CTNND2: variants seen among roughly 807,000 people sequenced by gnomAD.
The protein encoded by CTNND2 is catenin delta-2.
A neutral mutation model predicts 144.4 loss-of-function variants in CTNND2; 22 were observed. The ratio of observed to expected loss-of-function variants is 0.15; its 90% CI spans 0.11 to 0.22. CTNND2 has a LOEUF of 0.22. CTNND2 is among the 10% of genes least tolerant of loss of function. The pLI, the probability that CTNND2 is intolerant of heterozygous loss-of-function variation, is 1.00. For missense variants in CTNND2, 1,353 were observed against 1,618.8 expected (o/e 0.84, Z 2.82); for synonymous variants, 751 against 695.6 (o/e 1.08, Z -1.25).
chr5:11,148,154 G>T (rs975563913), intron 12 of CTNND2, among the ~76,000 whole-genome samples: 7 of 152,304 alleles, frequency 4.6e-5, no homozygotes, highest in Admixed American at 2.0e-4. Flanking sequence ...ACTGGTAATT[G>T]CCAGGGCCTG....
chr5:11,636,423 G>A (rs1386170272), intron 2 of CTNND2, among the ~76,000 whole-genome samples: 2 of 152,148 alleles, frequency 1.3e-5, no homozygotes, highest in Non-Finnish European at 2.9e-5. Flanking sequence ...GAATGTAACA[G>A]ATTTCATGTC....
intron 2 of CTNND2, among the ~76,000 whole-genome samples, chr5:11,597,769 A>G (rs1449580800): frequency 2.0e-5 from 3 of 152,010 alleles, no homozygotes; most frequent in Non-Finnish European, 4.4e-5. Context: ...AAAAGGATTT[A>G]GCCATGTTGC....
At chr5:11,299,806 G>A (rs1424149696) in intron 9 of CTNND2, among the ~76,000 whole-genome samples, 1 of 152,162 alleles carries the variant, frequency 6.6e-6, no homozygotes, top group East Asian at 1.9e-4. Flanking sequence ...CTTGACATTT[G>A]CAGATCTGAA....
At chr5:11,670,659 C>T (rs1330694046) in intron 2 of CTNND2, among the ~76,000 whole-genome samples, 1 of 145,868 alleles carries the variant, frequency 6.9e-6, no homozygotes, top group Non-Finnish European at 1.5e-5. Context: ...TATTTTGAAC[C>T]TATGTGTGTC....
chr5:11,202,812 C>A (rs576434611), intron 10 of CTNND2, among the ~76,000 whole-genome samples: 1 of 151,416 alleles, frequency 6.6e-6, no homozygotes, highest in African/African-American at 2.4e-5. Flanking sequence ...TTTTCTTTTT[C>A]TTTTTTTCTG....
intron 12 of CTNND2, among the ~76,000 whole-genome samples, chr5:11,155,075 G>C (rs1341772875): frequency 6.6e-6 from 1 of 152,226 alleles, no homozygotes; most frequent in African/African-American, 2.4e-5. Flanking sequence ...TTTGGGGGAA[G>C]ATTTATTCAA....
chr5:11,686,186 A>G (rs1016901886), intron 2 of CTNND2, among the ~76,000 whole-genome samples: 2 of 151,740 alleles, frequency 1.3e-5, no homozygotes, highest in African/African-American at 2.4e-5. Context: ...AGCCTGGGTG[A>G]CAAAGTGAGA....
intron 9 of CTNND2, among the ~76,000 whole-genome samples, chr5:11,302,943 C>T (rs1272108644): frequency 6.6e-6 from 1 of 152,158 alleles, no homozygotes; most frequent in African/African-American, 2.4e-5. Context: ...CCTACTGCCC[C>T]AGAGTTATCC....
At chr5:11,443,261 GGT>G (rs1317243029) in intron 3 of CTNND2, among the ~76,000 whole-genome samples, 4 of 123,418 alleles carry the variant, frequency 3.2e-5, no homozygotes, top group Non-Finnish European at 6.6e-5. Context: ...TGCTGTGTGT[GGT>G]GTGTGTGTGG....
At chr5:11,579,108 T>C (rs1480544680) in intron 2 of CTNND2, among the ~76,000 whole-genome samples, 1 of 152,182 alleles carries the variant, frequency 6.6e-6, no homozygotes, top group Non-Finnish European at 1.5e-5. Context: ...AGACTGAATT[T>C]AAACCTATCT....
intron 2 of CTNND2, among the ~76,000 whole-genome samples, chr5:11,601,775 C>A (rs867846146): frequency 6.6e-6 from 1 of 151,978 alleles, no homozygotes; most frequent in South Asian, 2.1e-4. Context: ...TAACAGAAAG[C>A]TAATTTAGAT....
chr5:11,703,973 TAG>T (rs1286665151), intron 2 of CTNND2, among the ~76,000 whole-genome samples: 5 of 152,174 alleles, frequency 3.3e-5, no homozygotes, highest in African/African-American at 2.4e-5. Flanking sequence ...AACAAGCATA[TAG>T]AGTGTCTTAA....
At chr5:11,120,727 C>G (rs1361454867) in intron 12 of CTNND2, among the ~76,000 whole-genome samples, 1 of 151,816 alleles carries the variant, frequency 6.6e-6, no homozygotes, top group Non-Finnish European at 1.5e-5. Context: ...GGTTATCATA[C>G]TGTCTGCAGG....
intron 16 of CTNND2, among the ~76,000 whole-genome samples, chr5:11,066,761 A>G (rs773539909): frequency 6.6e-6 from 1 of 152,162 alleles, no homozygotes; most frequent in African/African-American, 2.4e-5. Flanking sequence ...TACAATTGCA[A>G]TCGTGTTCTG....
intron 11 of CTNND2, among the ~76,000 whole-genome samples, chr5:11,161,779 C>T (rs1758782654): frequency 6.6e-6 from 1 of 151,958 alleles, no homozygotes; most frequent in African/African-American, 2.4e-5. Flanking sequence ...ACTCAAAATA[C>T]CAATATCTAA....
At chr5:11,589,134 AT>A in intron 2 of CTNND2, 1 of 592,456 alleles carries the variant, frequency 1.7e-6, no homozygotes, top group Non-Finnish European at 2.1e-6. Flanking sequence ...GCAACAGTGA[AT>A]TTAGACCCCC....
At chr5:11,515,433 C>T (rs1772080144) in intron 3 of CTNND2, among the ~76,000 whole-genome samples, 1 of 152,148 alleles carries the variant, frequency 6.6e-6, no homozygotes, top group African/African-American at 2.4e-5. Context: ...GCAGTGCCTC[C>T]ACTTGACTAG....
intron 15 of CTNND2, among the ~76,000 whole-genome samples, chr5:11,096,511 T>G (rs1716702817): frequency 6.6e-6 from 1 of 152,228 alleles, no homozygotes; most frequent in Non-Finnish European, 1.5e-5. Flanking sequence ...TTTTTATGGA[T>G]GCATAGTATT....
In CTNND2 at chr5:11,529,757, G is replaced by A. The variant is rs114793366; in HGVS notation, c.287+35187C>T. 9.5e-3 allele frequency among the ~76,000 whole-genome samples: 1,440 copies of A among 152,124 alleles called. 23 individuals are homozygous for A. The highest frequency in any genetic ancestry group is 0.033 in the African/African-American group (1,372 of 41,510). ...ATTTAGAAACATTTTCATAAAAAAG[G>A]GCTGTAAAGAGATTAATGGTATTTT... On this transcript the variant is annotated intron_variant, in intron 3 of 21. Transcript: ENST00000304623.
Sources: allele counts gnomAD v4.1 joint callset (sites outside exome capture counted in the v4.1 genomes callset), GRCh38; gene constraint gnomAD v4.1.1; transcripts MANE v1.5; gene names NCBI Gene and HGNC (gene_info 2026-07-23, HGNC 2026-07-21).